WDR97: variants seen among roughly 807,000 people sequenced by gnomAD.
WDR97 encodes the protein WD repeat-containing protein 97.
In WDR97, 111 loss-of-function variants were observed where a neutral mutation model predicts 65.4. That is an observed-to-expected ratio of 1.70 (90% CI 1.45 to 1.99). The LOEUF is 1.99. WDR97 is among the 30% of genes most tolerant of loss of function. The pLI, the probability that WDR97 is intolerant of heterozygous loss-of-function variation, is 0.00. For synonymous variants in WDR97, 802 were observed against 397.7 expected (o/e 2.02, Z -12.10); for missense variants, 1,674 against 865.0 (o/e 1.94, Z -11.73).
chr8:144,112,532 TGAGACCCCCTCCCAGCTCCTGGA>T lies in WDR97; in HGVS notation c.3105+6_3105+28del, dbSNP rs1256123150. 1.4e-6 allele frequency: 1 copy of T among 702,562 alleles called. No homozygotes were observed. 43.5% of individuals were successfully genotyped at this position (702,562 alleles called of 1,614,324 possible). ...CCTGCCACCGTGCAGCCCCACAAGG[TGAGACCCCCTCCCAGCTCCTGGA>T]GAGCCACTCCTCTCCAGGCATCACT... On this transcript the variant is annotated splice_donor_5th_base_variant and intron_variant, in intron 15 of 23. Coordinates refer to ENST00000323662, the MANE Select transcript of WDR97 (RefSeq NM_001316309.2).
At position 144,109,178 on chromosome 8, in the gene WDR97, G is replaced by A. The variant is rs1330856614; in HGVS notation, c.1000+8G>A. On this transcript the variant is annotated splice_region_variant and intron_variant, in intron 4 of 23. Transcript: ENST00000323662. ...TGTTCGTGGGCCACACAGGTGCTCT[G>A]AGTTCTCTGCACCCCGAGCCTCGGC... is the stretch of plus-strand genomic sequence containing the variant. 1.8e-5 allele frequency: 13 copies of A among 702,760 alleles called. No individual in the cohort carries two copies. The highest frequency in any genetic ancestry group is 3.4e-5 in the Non-Finnish European group (13 of 384,990). 43.5% of individuals were successfully genotyped at this position (702,760 alleles called of 1,614,324 possible). A position where few individuals can be genotyped will look rare whatever the true frequency, so the allele number is the denominator to read the frequency against.
rs13281660 is a variant in WDR97 at position 144,109,714 on chromosome 8, G to A, written c.1380G>A (p.Ala460=). 1.4e-3 allele frequency: 970 copies of A among 676,600 alleles called. 9 individuals carry two copies. The highest frequency in any genetic ancestry group is 2.3e-3 in the Non-Finnish European group (872 of 374,192). 41.9% of individuals were successfully genotyped at this position (676,600 alleles called of 1,614,324 possible). The change falls in exon 5 of 24, where the codon GCG becomes GCA. Residue 460 remains alanine (A), a synonymous_variant. Transcript: ENST00000323662. The part of the protein sequence containing the change: ...CADGSVYLLS[A]ATGRIVSSLL... ...ACGGCTCGGTCTACCTCCTGTCGGC[G>A]GCCACCGGGCGCATAGTGAGCTCAC...
chr8:144,109,086 G>A lies in WDR97; in HGVS notation c.916G>A (p.Ala306Thr), dbSNP rs947629969. ...CCTGGCTTACTGCGAGGAAGTAGAG[G>A]CAATGGTGACAGCTTCCCGGGACAG... ...SDLAYCEEVE[A>T]MVTASRDSTV... Residue 306 changes from alanine (A) to threonine (T), a missense_variant, in exon 4 of 24, where the codon GCA becomes ACA. By Grantham distance (58) the Ala-to-Thr change is moderately conservative (BLOSUM62 0). Coordinates refer to ENST00000323662, the MANE Select transcript of WDR97 (RefSeq NM_001316309.2). 2.0e-5 allele frequency: 14 copies of A among 703,052 alleles called. No homozygotes were observed. Among genetic ancestry groups the A allele is most frequent in the Non-Finnish European group, 3.4e-5 (13 of 385,058 alleles). 43.6% of individuals were successfully genotyped at this position (703,052 alleles called of 1,614,324 possible).
At chr8:144,110,789 C>A (rs1040269026) in intron 8 of WDR97, 50 bp downstream of exon 8, 1 of 702,434 alleles carries the variant, frequency 1.4e-6, no homozygotes, top group Non-Finnish European at 2.6e-6. Flanking sequence ...TGCTCCTCAC[C>A]AGAGCCCACT....
intron 21 of WDR97, among the ~76,000 whole-genome samples, chr8:144,115,117 G>A (rs941489426): frequency 2.0e-5 from 3 of 149,990 alleles, no homozygotes; most frequent in African/African-American, 7.5e-5. Flanking sequence ...CCGAACCAGG[G>A]ACAGCCCTGG....
At position 144,114,592 on chromosome 8, in the gene WDR97, G is replaced by T. The variant is rs1587628891; in HGVS notation, c.3831G>T (p.Gln1277His). The change falls in exon 20 of 24, where the codon CAG becomes CAT. Residue 1277 changes from glutamine to histidine, a missense_variant. By Grantham distance (24) the Gln-to-His change is conservative. Coordinates refer to ENST00000323662, the MANE Select transcript of WDR97 (RefSeq NM_001316309.2). ...TQKKFVILAL[Q>H]LLLACSLESR... ...AGAAGTTCGTGATACTGGCGCTGCA[G>T]CTGCTCCTGGCCTGCTCCCTGGAGT... The T allele has an allele frequency of 1.4e-6, 1 of 702,888 alleles. No homozygotes were observed. The highest frequency in any genetic ancestry group is 1.5e-5 in the South Asian group (1 of 67,600). The allele number at this position is 702,888 out of a possible 1,614,324, so 43.5% of individuals were successfully genotyped here.
rs1464526488 is a variant in WDR97 at position 144,108,916 on chromosome 8, G to A, written c.850G>A (p.Val284Ile). The A allele has an allele frequency of 1.4e-6, 1 of 702,844 alleles. No homozygotes were observed. The highest frequency in any genetic ancestry group is 2.0e-5 in the Admixed American group (1 of 50,002). The allele number at this position is 702,844 out of a possible 1,614,324, so 43.5% of individuals were successfully genotyped here. ...CTTCGATCTGCATGCCTGGACTCTC[G>A]TAGATGTGCGCCGGGATTTGCACAA... ...LTFDLHAWTL[V>I]DVRRDLHKTT... is the part of the protein sequence containing the mutation. Residue 284 changes from valine to isoleucine, a missense_variant, in exon 3 of 24, where the codon GTA (valine) becomes ATA (isoleucine). Physicochemically the swap from Val to Ile is conservative, Grantham distance 29. Transcript: ENST00000323662.
chr8:144,115,003 A>G, intron 21 of WDR97, 92 bp downstream of exon 21: 1 of 614,028 alleles, frequency 1.6e-6, no homozygotes, highest in Non-Finnish European at 2.9e-6. Context: ...CTGAGGCCAC[A>G]GGCTCCTTCC....
chr8:144,110,643 C>G lies in WDR97; in HGVS notation c.2081-6C>G. On this transcript the variant is annotated splice_region_variant and splice_polypyrimidine_tract_variant and intron_variant, in intron 7 of 23. Coordinates refer to ENST00000323662, the MANE Select transcript of WDR97 (RefSeq NM_001316309.2). ...TCCGGTTCCTGACCCTGAACCCTGC[C>G]GCCAGGCCTGTGCTGCTGCCCCACG... 1.4e-6 allele frequency: 1 copy of G among 702,834 alleles called. No homozygotes were observed. The highest frequency in any genetic ancestry group is 2.7e-5 in the East Asian group (1 of 37,288). 43.5% of individuals were successfully genotyped at this position (702,834 alleles called of 1,614,324 possible).
In WDR97 at chr8:144,108,078, G is replaced by A. The variant is rs1027324706; in HGVS notation, c.132G>A (p.Pro44=). Residue 44 remains proline (P), a synonymous_variant, in exon 2 of 24, where the codon CCG becomes CCA. Coordinates refer to ENST00000323662, the MANE Select transcript of WDR97 (RefSeq NM_001316309.2). ...CCGCAGAGTTGACTTTCACGGAGCC[G>A]TCGCAGGTCCTGCCCTTTTTGACCA... ...TEKNELTFTE[P]SQVLPFLTSS... 6 of 702,760 alleles carry A rather than the reference G, an allele frequency of 8.5e-6. No homozygotes were observed. Among genetic ancestry groups the A allele is most frequent in the Non-Finnish European group, 1.3e-5 (5 of 385,008 alleles). 43.5% of individuals were successfully genotyped at this position (702,760 alleles called of 1,614,324 possible).
At chr8:144,113,285 G>A in intron 15 of WDR97, 155 bp from the exon 16 acceptor site, 2 of 654,546 alleles carry the variant, frequency 3.1e-6, no homozygotes, top group East Asian at 2.7e-5. Context: ...TCTGTGTTGA[G>A]AGTAGGGGTT....
Position 144,113,752 on chromosome 8 carries a change from TGGGGAGGAG to T in WDR97, c.3288_3296del (p.Gly1097_Glu1099del). On this transcript the variant is annotated inframe_deletion, in exon 17 of 24. Coordinates refer to ENST00000323662, the MANE Select transcript of WDR97 (RefSeq NM_001316309.2). The stretch of plus-strand genomic sequence containing the variant: ...TGCTCCAATGGATGGGGGAGAAGCC[TGGGGAGGAG>T]GGGGAGGAAGACAAGAAGGAAGAGG... 1 of 700,028 alleles carries T rather than the reference TGGGGAGGAG, an allele frequency of 1.4e-6. No individual in the cohort carries two copies. Among genetic ancestry groups the T allele is most frequent in the South Asian group, 1.5e-5 (1 of 67,162 alleles). 43.4% of individuals were successfully genotyped at this position (700,028 alleles called of 1,614,324 possible). A position where few individuals can be genotyped will look rare whatever the true frequency, so the allele number is the denominator to read the frequency against.
chr8:144,108,201 G>A lies in WDR97; in HGVS notation c.249+6G>A, dbSNP rs1162377467. On this transcript the variant is annotated splice_donor_region_variant and intron_variant, in intron 2 of 23. Coordinates refer to ENST00000323662, the MANE Select transcript of WDR97 (RefSeq NM_001316309.2). Reference sequence around the variant, plus strand: ...TCCACGAAGTCGTGGAAAAGGTGCGGTGTGCCTGTCCTGCGCCTCCTGGCC... The same window carrying A: ...TCCACGAAGTCGTGGAAAAGGTGCGATGTGCCTGTCCTGCGCCTCCTGGCC... 1.4e-6 allele frequency: 1 copy of A among 700,802 alleles called. No individual in the cohort carries two copies. The highest frequency in any genetic ancestry group is 2.0e-5 in the Admixed American group (1 of 49,912). The allele number at this position is 700,802 out of a possible 1,614,324, so 43.4% of individuals were successfully genotyped here.
intron 22 of WDR97, 40 bp from the exon 23 acceptor site, chr8:144,115,903 C>A (rs112220277): frequency 4.3e-6 from 3 of 700,054 alleles, no homozygotes; most frequent in Admixed American, 4.0e-5. Context: ...GGCAGCCAAG[C>A]GTGGGGCTGG....
Position 144,116,540 on chromosome 8 carries a change from G to C in WDR97, c.*247G>C. ...CGTTCCCGGAGGGGTGGCCGGCCTA[G>C]GGCAGAGGAGACCCATAGCGGGGTA... On this transcript the variant is annotated 3_prime_UTR_variant, in exon 24 of 24. Transcript: ENST00000323662. The C allele has an allele frequency of 2.2e-6, 1 of 464,616 alleles. No individual in the cohort carries two copies. Among genetic ancestry groups the C allele is most frequent in the East Asian group, 3.5e-5 (1 of 28,692 alleles). The allele number at this position is 464,616 out of a possible 1,614,324, so 28.8% of individuals were successfully genotyped here.
At chr8:144,111,548 G>A (rs1486296852) in intron 11 of WDR97, 62 bp downstream of exon 11, 4 of 691,918 alleles carry the variant, frequency 5.8e-6, no homozygotes, top group Non-Finnish European at 1.1e-5. Flanking sequence ...CAGCCCTGGG[G>A]CAGGCCTGGG....
rs1564320490 is a variant in WDR97, at chr8:144,109,913, C to G, written c.1579C>G (p.Leu527Val). The change falls in exon 5 of 24, where the codon CTG becomes GTG. Residue 527 changes from leucine (L) to valine (V), a missense_variant. By Grantham distance (32) the Leu-to-Val change is conservative (BLOSUM62 1). Transcript: ENST00000323662. ...PPPPAPQPCC[L>V]HLYSHLTDLE... Reference sequence around the variant, plus strand: ...GCCCCCTGCGCCGCAGCCTTGCTGTCTGCACCTGTACAGCCACCTCACGGA... The same window carrying G: ...GCCCCCTGCGCCGCAGCCTTGCTGTGTGCACCTGTACAGCCACCTCACGGA... The G allele has an allele frequency of 4.3e-6, 3 of 701,970 alleles. No homozygotes were observed. The Admixed American group carries it at 6.0e-5, about 14-fold the overall frequency. The allele number at this position is 701,970 out of a possible 1,614,324, so 43.5% of individuals were successfully genotyped here. A position where few individuals can be genotyped will look rare whatever the true frequency, so the allele number is the denominator to read the frequency against.
At position 144,108,081 on chromosome 8, in the gene WDR97, G is replaced by T. The variant is rs1178972522; in HGVS notation, c.135G>T (p.Ser45=). 1 of 702,758 alleles carries T rather than the reference G, an allele frequency of 1.4e-6. No individual in the cohort carries two copies. Among genetic ancestry groups the T allele is most frequent in the South Asian group, 1.5e-5 (1 of 67,606 alleles). 43.5% of individuals were successfully genotyped at this position (702,758 alleles called of 1,614,324 possible). A position where few individuals can be genotyped will look rare whatever the true frequency, so the allele number is the denominator to read the frequency against. The change falls in exon 2 of 24, where the codon TCG becomes TCT. Residue 45 remains serine, a synonymous_variant. Transcript: ENST00000323662. ...EKNELTFTEP[S]QVLPFLTSSQ... is the part of the protein sequence containing the mutation. The stretch of plus-strand genomic sequence containing the variant: ...CAGAGTTGACTTTCACGGAGCCGTC[G>T]CAGGTCCTGCCCTTTTTGACCAGCA...
In WDR97 at chr8:144,108,333, G is replaced by A. The variant is rs1402842466; in HGVS notation, c.267G>A (p.Leu89=). The change falls in exon 3 of 24, where the codon CTG becomes CTA. Residue 89 remains leucine, a synonymous_variant. Transcript: ENST00000323662. ...EVVEKEKRAE[L]RAARLTHGLE... ...GCCCACAGGAGAAGAGAGCCGAGCT[G>A]CGCGCGGCGCGCCTGACGCATGGGC... The A allele has an allele frequency of 2.9e-6, 2 of 693,752 alleles. No individual in the cohort carries two copies. Among genetic ancestry groups the A allele is most frequent in the Admixed American group, 4.3e-5 (2 of 46,618 alleles). The allele number at this position is 693,752 out of a possible 1,614,324, so 43.0% of individuals were successfully genotyped here. A position where few individuals can be genotyped will look rare whatever the true frequency, so the allele number is the denominator to read the frequency against.
Sources: gnomAD v4.1 joint callset for allele counts (sites outside exome capture counted in the v4.1 genomes callset) on GRCh38, gnomAD v4.1.1 for gene constraint, MANE v1.5 for transcripts, NCBI Gene and HGNC (gene_info 2026-07-23, HGNC 2026-07-21) for gene names.